VPS13B: variants seen among roughly 807,000 people sequenced by gnomAD.
The protein encoded by VPS13B is intermembrane lipid transfer protein VPS13B.
A neutral mutation model predicts 426.4 loss-of-function variants in VPS13B; 285 were observed. That is an observed-to-expected ratio of 0.67 (90% CI 0.61 to 0.74). The LOEUF (loss-of-function observed/expected upper bound fraction) is 0.74, where lower values mean the gene tolerates loss of function less well. Ranked by LOEUF, VPS13B falls within the 30% of genes least tolerant of loss-of-function variation. The pLI is 0.00. For missense variants in VPS13B, 4,537 were observed against 4,782.6 expected, an observed-to-expected ratio of 0.95 and a Z score of 1.51; for synonymous variants, 1,676 against 1,676.4, an observed-to-expected ratio of 1.00 and a Z score of 0.01.
At chr8:99,867,103 A>G (rs971591266) in intron 58 of VPS13B, among the ~76,000 whole-genome samples, 10 of 152,316 alleles carry the variant, frequency 6.6e-5, no homozygotes, top group Admixed American at 3.3e-4. Flanking sequence ...TCCCTTTACA[A>G]TTGACGTGAT....
At chr8:99,359,280 A>G (rs1236178138) in intron 19 of VPS13B, among the ~76,000 whole-genome samples, 1 of 152,128 alleles carries the variant, frequency 6.6e-6, no homozygotes, top group Admixed American at 6.5e-5. Context: ...ATTTTCTTCC[A>G]AGATTCTATT....
chr8:99,658,907 C>T (rs1830117882), intron 34 of VPS13B, among the ~76,000 whole-genome samples: 1 of 152,170 alleles, frequency 6.6e-6, no homozygotes, highest in South Asian at 2.1e-4. Flanking sequence ...CCTTAACCTC[C>T]CAGGCTCAGG....
intron 36 of VPS13B, among the ~76,000 whole-genome samples, chr8:99,714,178 A>AC (rs1832821427): frequency 6.6e-6 from 1 of 151,736 alleles, no homozygotes; most frequent in East Asian, 1.9e-4. Flanking sequence ...TACTAAAAGG[A>AC]CACAGGGACC....
At chr8:99,020,111 G>A (rs917901834) in intron 2 of VPS13B, among the ~76,000 whole-genome samples, 2 of 151,222 alleles carry the variant, frequency 1.3e-5, no homozygotes, top group Admixed American at 6.6e-5. Flanking sequence ...GCAAAGGTTC[G>A]AAGTGCTCCG....
chr8:99,711,085 G>A (rs57560513), intron 36 of VPS13B, among the ~76,000 whole-genome samples: 2,954 of 152,114 alleles, frequency 0.019, 100 homozygotes, highest in African/African-American at 0.068. Context: ...TTTAATGTAG[G>A]AGTAAATGTT....
intron 39 of VPS13B, among the ~76,000 whole-genome samples, chr8:99,723,126 C>T (rs2130356691): frequency 6.6e-6 from 1 of 152,314 alleles, no homozygotes; most frequent in African/African-American, 2.4e-5. Flanking sequence ...CTTGCTCTAG[C>T]ACTTGCAAAC....
chr8:99,499,751 G>C (rs1025212969), intron 25 of VPS13B, among the ~76,000 whole-genome samples: 6 of 152,060 alleles, frequency 3.9e-5, no homozygotes, highest in Admixed American at 6.6e-5. Context: ...TGCTTTGCTT[G>C]GTGTATTTGG....
intron 23 of VPS13B, among the ~76,000 whole-genome samples, chr8:99,455,432 C>A (rs1818402239): frequency 6.6e-6 from 1 of 152,114 alleles, no homozygotes; most frequent in Non-Finnish European, 1.5e-5. Context: ...GGAGAGCCAG[C>A]ACTTCACATG....
At position 99,511,652 on chromosome 8, in the gene VPS13B, A is replaced by G. The variant is rs911537169; in HGVS notation, c.4633+140A>G. ...GTTTGGTATATTTTATAGAGAGGAA[A>G]TATAGATATTCTACAAATCATTAGG... On this transcript the variant is annotated intron_variant, in intron 29 of 61. Coordinates refer to ENST00000357162, the MANE Select transcript of VPS13B (RefSeq NM_152564.5). 4.7e-5 allele frequency: 38 copies of G among 814,568 alleles called. No individual in the cohort carries two copies. In the African/African-American group the frequency reaches 4.7e-4, roughly 10 times the overall value. 50.5% of individuals were successfully genotyped at this position (814,568 alleles called of 1,614,324 possible).
chr8:99,497,287 TA>T (rs1050445532), intron 25 of VPS13B, among the ~76,000 whole-genome samples: 8 of 144,368 alleles, frequency 5.5e-5, no homozygotes, highest in Non-Finnish European at 1.2e-4. Context: ...TATATATACA[TA>T]AAAATGCATA....
At chr8:99,651,279 T>G (rs2133946984) in intron 34 of VPS13B, among the ~76,000 whole-genome samples, 1 of 152,286 alleles carries the variant, frequency 6.6e-6, no homozygotes, top group African/African-American at 2.4e-5. Context: ...TAGAGTATAA[T>G]TCATATTCTG....
intron 41 of VPS13B, 108 bp downstream of exon 41, chr8:99,777,064 G>A (rs1215019371): frequency 7.1e-7 from 1 of 1,416,252 alleles, no homozygotes; most frequent in Non-Finnish European, 9.9e-7. Context: ...TTTTCAGGAA[G>A]TATAAAGCGA....
intron 17 of VPS13B, among the ~76,000 whole-genome samples, chr8:99,208,596 C>CCG (rs1488991090): frequency 4.6e-5 from 3 of 65,744 alleles, no homozygotes; most frequent in Admixed American, 1.1e-4. Flanking sequence ...TTGCTCTTTA[C>CCG]CACAGAGATT....
chr8:99,451,441 G>A (rs865898474), intron 23 of VPS13B, among the ~76,000 whole-genome samples: 4 of 152,294 alleles, frequency 2.6e-5, no homozygotes, highest in Middle Eastern at 3.4e-3. Flanking sequence ...TATCTTACAA[G>A]CTATTGGGAA....
At chr8:99,211,465 GGC>G (rs1336548263) in intron 17 of VPS13B, among the ~76,000 whole-genome samples, 1 of 152,204 alleles carries the variant, frequency 6.6e-6, no homozygotes, top group Non-Finnish European at 1.5e-5. Flanking sequence ...CCAGGCCCCT[GGC>G]AGGTCAGGAT....
Position 99,699,526 on chromosome 8 carries a change from G to A in VPS13B, c.6048G>A (p.Ala2016=), listed in dbSNP as rs200691718. 74 of 1,613,124 alleles carry A rather than the reference G, an allele frequency of 4.6e-5. No individual in the cohort carries two copies. Among genetic ancestry groups the A allele is most frequent in the African/African-American group, 1.9e-4 (14 of 74,880 alleles). The change falls in exon 36 of 62, where the codon GCG becomes GCA. Residue 2016 remains alanine (A), a splice_region_variant and synonymous_variant. Transcript: ENST00000357162. ...LQIKDFLNGP[A]DVNLDISKPL... is the part of the protein sequence containing the mutation. ...GTTTTCTCTTTTTTACTTCTATAGC[G>A]GATGTCAATTTGGATATATCAAAGC...
chr8:99,700,056 T>A, intron 36 of VPS13B, 124 bp downstream of exon 36: 23 of 1,183,402 alleles, frequency 1.9e-5, no homozygotes, highest in Non-Finnish European at 2.6e-5. Flanking sequence ...CCATTAGAGA[T>A]GAGGACATTT....
At chr8:99,799,943 T>C (rs1305331618) in intron 43 of VPS13B, among the ~76,000 whole-genome samples, 1 of 152,186 alleles carries the variant, frequency 6.6e-6, no homozygotes, top group Non-Finnish European at 1.5e-5. Flanking sequence ...ATTTCTTATC[T>C]TGTTGCTCCC....
At chr8:99,734,997 A>T (rs532568832) in intron 39 of VPS13B, among the ~76,000 whole-genome samples, 1 of 152,338 alleles carries the variant, frequency 6.6e-6, no homozygotes, top group African/African-American at 2.4e-5. Flanking sequence ...GACATTTAAA[A>T]TTTAAGGTTT....
Sources: allele counts gnomAD v4.1 joint callset (sites outside exome capture counted in the v4.1 genomes callset), GRCh38; gene constraint gnomAD v4.1.1; transcripts MANE v1.5; gene names NCBI Gene and HGNC (gene_info 2026-07-23, HGNC 2026-07-21).